SLC1A2: variants seen among roughly 807,000 people sequenced by gnomAD.
The protein encoded by SLC1A2 is solute carrier family 1 member 2.
A neutral mutation model predicts 48.8 loss-of-function variants in SLC1A2; 15 were observed. The observed-to-expected ratio is 0.31, with a 90% confidence interval of 0.21 to 0.47. SLC1A2 has a LOEUF of 0.47. Among genes scored for constraint, SLC1A2 ranks in the 20% least tolerant of loss-of-function variants. SLC1A2 has a pLI of 0.99. For missense variants in SLC1A2, 502 were observed against 730.5 expected (o/e 0.69, Z 3.61); for synonymous variants, 279 against 272.6 (o/e 1.02, Z -0.23).
rs776464862 is a variant in SLC1A2 at position 35,317,437 on chromosome 11, G to C, written c.97C>G (p.Leu33Val). Residue 33 changes from leucine (L) to valine (V), a missense_variant, in exon 2 of 11, where the codon CTG (leucine) becomes GTG (valine). Transcript: ENST00000278379. Reference protein sequence around the residue: ...LGSEEPKHRHLGLRLCDKLGK... With the variant: ...LGSEEPKHRHVGLRLCDKLGK... Reference sequence around the variant, plus strand: ...AGCTTGTCACACAGGCGCAGGCCCAGGTGCCGGTGCTTGGGTTCCTCTGAG... The same window carrying C: ...AGCTTGTCACACAGGCGCAGGCCCACGTGCCGGTGCTTGGGTTCCTCTGAG... The C allele has an allele frequency of 6.2e-7, 1 of 1,614,182 alleles. No homozygotes were observed. Among genetic ancestry groups the C allele is most frequent in the South Asian group, 1.1e-5 (1 of 91,086 alleles).
intron 1 of SLC1A2, among the ~76,000 whole-genome samples, chr11:35,343,151 G>C (rs945378412): frequency 1.3e-5 from 2 of 152,256 alleles, no homozygotes; most frequent in Non-Finnish European, 2.9e-5. Flanking sequence ...GAGAATAGAA[G>C]CAGTTTCACA....
intron 9 of SLC1A2, among the ~76,000 whole-genome samples, chr11:35,267,101 TG>T (rs1950497625): frequency 6.6e-6 from 1 of 152,252 alleles, no homozygotes; most frequent in Non-Finnish European, 1.5e-5. Flanking sequence ...TGCCTCAGTG[TG>T]ATCGGGTCTA....
intron 7 of SLC1A2, among the ~76,000 whole-genome samples, chr11:35,290,101 C>T (rs773040893): frequency 2.0e-5 from 3 of 152,190 alleles, no homozygotes; most frequent in African/African-American, 4.8e-5. Context: ...GGGATGGGCA[C>T]ACCCTCAAAC....
At chr11:35,361,322 C>G (rs1310954541) in intron 1 of SLC1A2, among the ~76,000 whole-genome samples, 1 of 152,118 alleles carries the variant, frequency 6.6e-6, no homozygotes, top group Non-Finnish European at 1.5e-5. Context: ...CAAGCCATAC[C>G]CAAAGTTACC....
intron 1 of SLC1A2, among the ~76,000 whole-genome samples, chr11:35,388,570 T>C (rs1363728436): frequency 6.6e-6 from 1 of 152,166 alleles, no homozygotes; most frequent in East Asian, 1.9e-4. Context: ...AATTTTTGTA[T>C]TTTTTATAGA....
intron 1 of SLC1A2, among the ~76,000 whole-genome samples, chr11:35,386,444 G>A (rs1306541581): frequency 3.9e-5 from 6 of 152,180 alleles, no homozygotes; most frequent in Admixed American, 3.9e-4. Flanking sequence ...GGATGTCAGT[G>A]TACATCAACA....
Position 35,380,451 on chromosome 11 carries a change from TA to T in SLC1A2, c.17+38498del, listed in dbSNP as rs1200814802. On this transcript the variant is annotated intron_variant, in intron 1 of 10. Transcript: ENST00000278379. ...CGAGTTATTCTAGGTGATCTCTTGTTAAAGAGTTTTATTTTAAATCCCAGCT... is the reference window on the plus strand; with the variant it reads ...CGAGTTATTCTAGGTGATCTCTTGTTAAGAGTTTTATTTTAAATCCCAGCT... The T allele has an allele frequency of 2.3e-5, 9 of 398,484 alleles. No individual in the cohort carries two copies. The East Asian group carries it at 3.2e-4, about 14-fold the overall frequency. 24.7% of individuals were successfully genotyped at this position (398,484 alleles called of 1,614,324 possible). A position where few individuals can be genotyped will look rare whatever the true frequency, so the allele number is the denominator to read the frequency against.
At chr11:35,391,462 C>T (rs1854766149) in intron 1 of SLC1A2, 2 of 152,256 alleles carry the variant, frequency 1.3e-5, no homozygotes. Context: ...TGAACCATTG[C>T]CAGTCTGACC....
At chr11:35,287,993 C>T (rs1850880385) in intron 7 of SLC1A2, among the ~76,000 whole-genome samples, 1 of 152,164 alleles carries the variant, frequency 6.6e-6, no homozygotes, top group South Asian at 2.1e-4. Flanking sequence ...CTCTCTTGCA[C>T]TTACAGCTTT....
intron 3 of SLC1A2, among the ~76,000 whole-genome samples, chr11:35,313,499 T>C (rs888167633): frequency 6.6e-6 from 1 of 152,202 alleles, no homozygotes; most frequent in Non-Finnish European, 1.5e-5. Context: ...TGGTTTCAGT[T>C]CCTGCTTTTA....
intron 9 of SLC1A2, among the ~76,000 whole-genome samples, chr11:35,276,043 T>A (rs1270738134): frequency 1.3e-5 from 2 of 152,078 alleles, no homozygotes; most frequent in Non-Finnish European, 2.9e-5. Context: ...TACCCTTCCT[T>A]TTTCTTTTCC....
intron 1 of SLC1A2, among the ~76,000 whole-genome samples, chr11:35,345,171 T>C (rs1852983123): frequency 1.3e-5 from 2 of 152,198 alleles, no homozygotes; most frequent in Admixed American, 6.5e-5. Context: ...GTATCACATA[T>C]GCCGCCAAAG....
At chr11:35,310,514 A>T (rs1201746318) in intron 4 of SLC1A2, among the ~76,000 whole-genome samples, 1 of 152,226 alleles carries the variant, frequency 6.6e-6, no homozygotes, top group East Asian at 1.9e-4. Flanking sequence ...CTAAAATAGT[A>T]TCTGAAACCA....
At chr11:35,308,981 C>G (rs1851599346) in intron 4 of SLC1A2, among the ~76,000 whole-genome samples, 1 of 152,180 alleles carries the variant, frequency 6.6e-6, no homozygotes, top group African/African-American at 2.4e-5. Flanking sequence ...ACTATACCTC[C>G]ACACTGGCCT....
chr11:35,381,094 C>T (rs776466708), intron 1 of SLC1A2, among the ~76,000 whole-genome samples: 1 of 152,220 alleles, frequency 6.6e-6, no homozygotes, highest in South Asian at 2.1e-4. Flanking sequence ...CATATATTTT[C>T]CTCCTTTCAT....
At chr11:35,289,924 G>A (rs1046485132) in intron 7 of SLC1A2, among the ~76,000 whole-genome samples, 1 of 152,104 alleles carries the variant, frequency 6.6e-6, no homozygotes, top group African/African-American at 2.4e-5. Flanking sequence ...AGGAAGGGAC[G>A]AATACCTCAA....
chr11:35,391,305 A>C (rs749987371), intron 1 of SLC1A2: 4 of 152,210 alleles, frequency 2.6e-5, no homozygotes, highest in Non-Finnish European at 5.9e-5. Context: ...AAACTTTGTG[A>C]ACCCCTAAAA....
chr11:35,387,914 C>T (rs1016260533), intron 1 of SLC1A2, among the ~76,000 whole-genome samples: 6 of 152,158 alleles, frequency 3.9e-5, no homozygotes, highest in Admixed American at 2.6e-4. Flanking sequence ...AAGCATTTTT[C>T]ACACTTGAAC....
chr11:35,297,205 C>T (rs886569961), intron 6 of SLC1A2, among the ~76,000 whole-genome samples: 7 of 152,282 alleles, frequency 4.6e-5, no homozygotes, highest in Admixed American at 1.3e-4. Flanking sequence ...TCCTCAAAAT[C>T]TGATCACCCT....
Sources: gnomAD v4.1 joint callset for allele counts (sites outside exome capture counted in the v4.1 genomes callset) on GRCh38, gnomAD v4.1.1 for gene constraint, MANE v1.5 for transcripts, NCBI Gene and HGNC (gene_info 2026-07-23, HGNC 2026-07-21) for gene names.